NELFCD: variants seen among roughly 807,000 people sequenced by gnomAD.
NELFCD encodes negative elongation factor complex member C/D.
In NELFCD, 48 loss-of-function variants were observed where a neutral mutation model predicts 72.9. The observed-to-expected ratio is 0.66, with a 90% confidence interval of 0.52 to 0.84. The LOEUF (loss-of-function observed/expected upper bound fraction) is 0.84. Ranked by LOEUF, NELFCD falls within the 40% of genes least tolerant of loss-of-function variation. The pLI, the probability that NELFCD is intolerant of heterozygous loss-of-function variation, is 0.00. For synonymous variants in NELFCD, 297 were observed against 280.6 expected, an observed-to-expected ratio of 1.06 and a Z score of -0.59; for missense variants, 538 against 723.8, an observed-to-expected ratio of 0.74 and a Z score of 2.94.
At chr20:58,994,330 A>T in intron 14 of NELFCD, 91 bp downstream of exon 14, 1 of 1,384,308 alleles carries the variant, frequency 7.2e-7, no homozygotes, top group Non-Finnish European at 1.0e-6. Flanking sequence ...TTGGGAGGCC[A>T]AGGTGGGTGG....
At chr20:58,984,024 A>T (rs2091755148) in intron 1 of NELFCD, among the ~76,000 whole-genome samples, 1 of 152,138 alleles carries the variant, frequency 6.6e-6, no homozygotes. Flanking sequence ...GAAAGGTGTT[A>T]GGAGGGTGGC....
In NELFCD at chr20:58,994,185, A is replaced by G; in HGVS notation, c.1657A>G (p.Ile553Val). 1 of 1,614,228 alleles carries G rather than the reference A, an allele frequency of 6.2e-7. No individual in the cohort carries two copies. Among genetic ancestry groups the G allele is most frequent in the Non-Finnish European group, 8.5e-7 (1 of 1,180,020 alleles). Residue 553 changes from isoleucine (I) to valine (V), a missense_variant, in exon 14 of 15, where the codon ATC (isoleucine) becomes GTC (valine). Ile to Val is a conservative substitution (Grantham distance 29, BLOSUM62 3). Coordinates refer to ENST00000652272, the MANE Select transcript of NELFCD (RefSeq NM_198976.4). Reference protein sequence around the residue: ...LFLPILENDSIAGTIKTEGEH... With the variant: ...LFLPILENDSVAGTIKTEGEH... Reference sequence around the variant, plus strand: ...CCTCCCCATCCTGGAGAATGACAGCATCGCAGGTACCATCAAAACGGAAGG... The same window carrying G: ...CCTCCCCATCCTGGAGAATGACAGCGTCGCAGGTACCATCAAAACGGAAGG...
At chr20:58,985,576 G>A (rs1000937329) in intron 1 of NELFCD, among the ~76,000 whole-genome samples, 4 of 152,198 alleles carry the variant, frequency 2.6e-5, no homozygotes, top group Admixed American at 2.0e-4. Flanking sequence ...GATGCAAGGC[G>A]AGTTAGTGGT....
chr20:58,991,614 G>A (rs1253097470), intron 9 of NELFCD, 168 bp downstream of exon 9: 1 of 799,226 alleles, frequency 1.3e-6, no homozygotes, highest in Non-Finnish European at 1.9e-6. Context: ...TCCAGAAAAT[G>A]TGCGTAATGT....
chr20:58,992,927 C>CT lies in NELFCD; in HGVS notation c.1230-68dup, dbSNP rs367761562. ...TCATTTGAGTTTGTTTTTAACTTTC[C>CT]TTTAATGCTTTTCTAGCATATTTTG... On this transcript the variant is annotated intron_variant, in intron 10 of 14. Transcript: ENST00000652272. 6.1e-4 allele frequency: 694 copies of CT among 1,139,194 alleles called. 2 individuals carry two copies. In the African/African-American group the frequency reaches 9.6e-3, roughly 16 times the overall value. The allele number at this position is 1,139,194 out of a possible 1,614,324, so 70.6% of individuals were successfully genotyped here.
intron 1 of NELFCD, among the ~76,000 whole-genome samples, chr20:58,983,483 AG>A (rs2091751938): frequency 7.3e-6 from 1 of 136,486 alleles, no homozygotes; most frequent in South Asian, 2.6e-4. Flanking sequence ...TCTGTCACCC[AG>A]GCTGGAGTGC....
chr20:58,989,834 C>T, intron 6 of NELFCD, 24 bp from the exon 7 acceptor site: 1 of 1,614,048 alleles, frequency 6.2e-7, no homozygotes, highest in African/African-American at 1.3e-5. Flanking sequence ...AAACCCTGCC[C>T]CCTCTCTCCC....
Position 58,986,881 on chromosome 20 carries a change from C to A in NELFCD, c.286+18C>A, listed in dbSNP as rs1406359266. 84 of 1,554,374 alleles carry A rather than the reference C, an allele frequency of 5.4e-5. No individual in the cohort carries two copies. Among genetic ancestry groups the A allele is most frequent in the Non-Finnish European group, 7.3e-5 (82 of 1,128,378 alleles). On this transcript the variant is annotated intron_variant, in intron 3 of 14. Transcript: ENST00000652272. The surrounding 1 kb of genome is among the most constrained non-coding windows in gnomAD (Gnocchi z 4.4). The stretch of plus-strand genomic sequence containing the variant: ...TCAGACAGGTGCTTTGTGGGTGTCC[C>A]CTGTCCTGGCTAGTTACCCCCACTT...
At position 58,993,522 on chromosome 20, in the gene NELFCD, C is replaced by T; in HGVS notation, c.1418C>T (p.Ser473Phe). ...LLVKLFETEH[S>F]QLDVMEQLEL... The stretch of plus-strand genomic sequence containing the variant: ...GTTAAGCTTTTTGAGACTGAGCACT[C>T]CCAGCTGGACGTGATGGAGCAGGTG... Residue 473 changes from serine to phenylalanine, a missense_variant, in exon 12 of 15, where the codon TCC (serine) becomes TTC (phenylalanine). This residue lies in a region of NELFCD where 136 missense variants were observed against 154.0 expected (regional missense o/e 0.88). Coordinates refer to ENST00000652272, the MANE Select transcript of NELFCD (RefSeq NM_198976.4). This position sits in a 1 kb window ranked among gnomAD's most constrained non-coding sequence, Gnocchi z 5.0. The T allele has an allele frequency of 6.2e-7, 1 of 1,614,206 alleles. No individual in the cohort carries two copies. Among genetic ancestry groups the T allele is most frequent in the Non-Finnish European group, 8.5e-7 (1 of 1,180,044 alleles).
At chr20:58,987,927 A>G in intron 4 of NELFCD, 110 bp downstream of exon 4, 1 of 778,470 alleles carries the variant, frequency 1.3e-6, no homozygotes, top group South Asian at 1.6e-5. Flanking sequence ...GTTGAGGACT[A>G]AAATCAGAGT....
chr20:58,986,363 TAA>T lies in NELFCD; in HGVS notation c.176+157_176+158del, dbSNP rs373371790. On this transcript the variant is annotated intron_variant, in intron 2 of 14. Coordinates refer to ENST00000652272, the MANE Select transcript of NELFCD (RefSeq NM_198976.4). The surrounding 1 kb of genome is among the most constrained non-coding windows in gnomAD (Gnocchi z 4.4). The stretch of plus-strand genomic sequence containing the variant: ...CCCTCTGCCACTTTTTTTTTTTTTT[TAA>T]ATTTTTTTAAGACAGAGTCTTGCTC... 7.0e-6 allele frequency: 4 copies of T among 571,638 alleles called. No individual in the cohort carries two copies. The East Asian group carries it at 1.2e-4, about 17-fold the overall frequency. The allele number at this position is 571,638 out of a possible 1,614,324, so 35.4% of individuals were successfully genotyped here.
chr20:58,985,166 GT>G (rs1427648041), intron 1 of NELFCD, among the ~76,000 whole-genome samples: 3 of 152,190 alleles, frequency 2.0e-5, no homozygotes. Flanking sequence ...GGTGTGCTGT[GT>G]TCCGTAAAAG....
chr20:58,992,071 G>A (rs573947549), intron 10 of NELFCD, 51 bp downstream of exon 10: 60 of 1,524,130 alleles, frequency 3.9e-5, no homozygotes, highest in Admixed American at 2.3e-4. Context: ...GGAGGAGGTC[G>A]TTTGAGTTTT....
rs150087382 is a variant in NELFCD, at chr20:58,994,212, G to A, written c.1684G>A (p.Glu562Lys). 2.5e-6 allele frequency: 4 copies of A among 1,614,122 alleles called. No individual in the cohort carries two copies. The highest frequency in any genetic ancestry group is 2.2e-5 in the East Asian group (1 of 44,866). Residue 562 changes from glutamate (E) to lysine (K), a missense_variant, in exon 14 of 15, where the codon GAG (glutamate) becomes AAG (lysine). By Grantham distance (56) the Glu-to-Lys change is moderately conservative. Transcript: ENST00000652272. ...SIAGTIKTEGEHDPVTEFIAH... is the reference protein window; with the variant it reads ...SIAGTIKTEGKHDPVTEFIAH... ...CGCAGGTACCATCAAAACGGAAGGC[G>A]AGCATGACCCTGTGACGGAGTTTAT...
chr20:58,986,729 T>A lies in NELFCD; in HGVS notation c.177-25T>A. 6 of 1,353,166 alleles carry A rather than the reference T, an allele frequency of 4.4e-6. No homozygotes were observed. Among genetic ancestry groups the A allele is most frequent in the Non-Finnish European group, 6.4e-6 (6 of 941,714 alleles). 83.8% of individuals were successfully genotyped at this position (1,353,166 alleles called of 1,614,324 possible). Reference sequence around the variant, plus strand: ...GTCCATCATTCCATTCATTCGGGTGTAATTGCTGTTGTTACTTTCCCTAGG... The same window carrying A: ...GTCCATCATTCCATTCATTCGGGTGAAATTGCTGTTGTTACTTTCCCTAGG... On this transcript the variant is annotated intron_variant, in intron 2 of 14. Coordinates refer to ENST00000652272, the MANE Select transcript of NELFCD (RefSeq NM_198976.4). The surrounding 1 kb of genome is among the most constrained non-coding windows in gnomAD (Gnocchi z 4.4).
In NELFCD at chr20:58,994,657, A is replaced by G. The variant is rs1363527579; in HGVS notation, c.1727A>G (p.Asn576Ser). 3.7e-6 allele frequency: 6 copies of G among 1,612,208 alleles called. No homozygotes were observed. Among genetic ancestry groups the G allele is most frequent in the Non-Finnish European group, 4.2e-6 (5 of 1,178,272 alleles). ...CTCGTTAAAGCTCACTGCAAATCTAACTTCATCATGGTGAACTAATTTAGA... is the reference window on the plus strand; with the variant it reads ...CTCGTTAAAGCTCACTGCAAATCTAGCTTCATCATGGTGAACTAATTTAGA... ...VTEFIAHCKS[N>S]FIMVN The change falls in exon 15 of 15, where the codon AAC (asparagine) becomes AGC (serine). Residue 576 changes from asparagine to serine, a missense_variant. Asn to Ser is a conservative substitution (Grantham distance 46, BLOSUM62 1). Around this residue, in one of 3 missense-constraint regions of NELFCD, gnomAD observed 136 missense variants for 154.0 expected, o/e 0.88. Transcript: ENST00000652272.
chr20:58,994,162 T>C lies in NELFCD; in HGVS notation c.1634T>C (p.Leu545Pro). Reference protein sequence around the residue: ...PYTSDFVQLFLPILENDSIAG... With the variant: ...PYTSDFVQLFPPILENDSIAG... ...ACCTCTGACTTCGTGCAACTTTTCCTCCCCATCCTGGAGAATGACAGCATC... is the reference window on the plus strand; with the variant it reads ...ACCTCTGACTTCGTGCAACTTTTCCCCCCCATCCTGGAGAATGACAGCATC... Residue 545 changes from leucine to proline, a missense_variant, in exon 14 of 15, where the codon CTC becomes CCC. Around this residue, in one of 3 missense-constraint regions of NELFCD, gnomAD observed 136 missense variants for 154.0 expected, o/e 0.88. Coordinates refer to ENST00000652272, the MANE Select transcript of NELFCD (RefSeq NM_198976.4). 6.2e-7 allele frequency: 1 copy of C among 1,613,966 alleles called. No homozygotes were observed. Among genetic ancestry groups the C allele is most frequent in the Non-Finnish European group, 8.5e-7 (1 of 1,179,920 alleles).
In NELFCD at chr20:58,981,354, G is replaced by C. The variant is rs759421524; in HGVS notation, c.45G>C (p.Glu15Asp). 9.0e-7 allele frequency: 1 copy of C among 1,111,336 alleles called. No individual in the cohort carries two copies. The highest frequency in any genetic ancestry group is 1.1e-6 in the Non-Finnish European group (1 of 906,750). The allele number at this position is 1,111,336 out of a possible 1,614,324, so 68.8% of individuals were successfully genotyped here. A position where few individuals can be genotyped will look rare whatever the true frequency, so the allele number is the denominator to read the frequency against. Residue 15 changes from glutamate (E) to aspartate (D), a missense_variant, in exon 1 of 15, where the codon GAG (glutamate) becomes GAC (aspartate). Coordinates refer to ENST00000652272, the MANE Select transcript of NELFCD (RefSeq NM_198976.4). Reference sequence around the variant, plus strand: ...GGAGCGCGGCCGAGTGGGGCGACGAGGCTGACGGCGGCCAGGTGAGGCGGG... The same window carrying C: ...GGAGCGCGGCCGAGTGGGGCGACGACGCTGACGGCGGCCAGGTGAGGCGGG... ...YYGSAAEWGD[E>D]ADGGQQEDDS...
rs962534978 is a variant in NELFCD at position 58,985,518 on chromosome 20, G to A, written c.61-575G>A. On this transcript the variant is annotated intron_variant, in intron 1 of 14. Transcript: ENST00000652272. ...TGCCCTTAGATGGAGTGACAGGCCTGAAGTTGCTTCCACATAGAATTGGGA... is the reference window on the plus strand; with the variant it reads ...TGCCCTTAGATGGAGTGACAGGCCTAAAGTTGCTTCCACATAGAATTGGGA... Among the ~76,000 whole-genome samples the A allele has an allele frequency of 3.9e-5, 6 of 152,312 alleles. No homozygotes were observed. In the East Asian group the frequency reaches 1.2e-3, roughly 29 times the overall value.
Sources: gnomAD v4.1 joint callset for allele counts (sites outside exome capture counted in the v4.1 genomes callset) on GRCh38, gnomAD v4.1.1 for gene constraint, gnomAD v4.1.1 regional missense constraint, Gnocchi (gnomAD v3.1) non-coding constraint, MANE v1.5 for transcripts, NCBI Gene and HGNC (gene_info 2026-07-23, HGNC 2026-07-21) for gene names.